The following GLG1 variants were observed in gnomAD, a reference collection of about 807,000 sequenced individuals.
GLG1 encodes the protein golgi glycoprotein 1.
GLG1 carries 38 observed loss-of-function variants against 160.5 expected under a neutral mutation model. The ratio of observed to expected loss-of-function variants is 0.24; its 90% confidence interval spans 0.18 to 0.31. The LOEUF (loss-of-function observed/expected upper bound fraction) is 0.31. Among genes scored for constraint, GLG1 ranks in the 10% least tolerant of loss-of-function variants. The probability of loss-of-function intolerance (pLI) is 1.00; values close to 1 mark genes in which losing one functional copy is unlikely to be tolerated. For synonymous variants in GLG1, 644 were observed against 543.4 expected (o/e 1.19, Z -2.57); for missense variants, 1,373 against 1,505.2 (o/e 0.91, Z 1.45).
In GLG1 at chr16:74,449,747, T is replaced by C. The variant is rs1567447050; in HGVS notation, c.*3420A>G. 6.6e-6 allele frequency: 1 copy of C among 152,462 alleles called. No homozygotes were observed. Among genetic ancestry groups the C allele is most frequent in the Non-Finnish European group, 1.5e-5 (1 of 68,250 alleles). The allele number at this position is 152,462 out of a possible 1,614,324, so 9.4% of individuals were successfully genotyped here. A position where few individuals can be genotyped will look rare whatever the true frequency, so the allele number is the denominator to read the frequency against. ...ATTCTCCTAGCTTTGAAGGATGCAC[T>C]AACACAGAACTGCAGCTGGGGGTGG... On this transcript the variant is annotated 3_prime_UTR_variant, in exon 26 of 26. Coordinates refer to ENST00000422840, the MANE Select transcript of GLG1 (RefSeq NM_001145667.2).
At chr16:74,582,671 T>C (rs1403870321) in intron 1 of GLG1, among the ~76,000 whole-genome samples, 1 of 151,044 alleles carries the variant, frequency 6.6e-6, no homozygotes, top group African/African-American at 2.4e-5. Context: ...ATACAAAAAT[T>C]AGCCGGGCGT....
intron 1 of GLG1, among the ~76,000 whole-genome samples, chr16:74,549,250 G>C (rs971085614): frequency 6.6e-6 from 1 of 151,890 alleles, no homozygotes; most frequent in East Asian, 1.9e-4. Flanking sequence ...GTAATGTACT[G>C]TATTATAACC....
At chr16:74,496,291 A>G in intron 5 of GLG1, 150 bp downstream of exon 5, 1 of 586,806 alleles carries the variant, frequency 1.7e-6, no homozygotes, top group Non-Finnish European at 3.0e-6. Context: ...GCTGAGCTGG[A>G]GCACTGCTTC....
At chr16:74,506,774 T>C (rs1227587319) in intron 3 of GLG1, among the ~76,000 whole-genome samples, 1 of 152,116 alleles carries the variant, frequency 6.6e-6, no homozygotes, top group Non-Finnish European at 1.5e-5. Flanking sequence ...GAAGTTTGCA[T>C]GTTTCTTCAT....
At position 74,453,097 on chromosome 16, in the gene GLG1, G is replaced by A. The variant is rs867497762; in HGVS notation, c.*70C>T. On this transcript the variant is annotated 3_prime_UTR_variant, in exon 26 of 26. Transcript: ENST00000422840. ...ACTTCTGAGAAGAGCGAGGTGAGTG[G>A]GGATGCTATACAAGAGGGCTGTACA... The A allele has an allele frequency of 9.0e-6, 14 of 1,563,704 alleles. No homozygotes were observed. In the Middle Eastern group the frequency reaches 1.1e-3, roughly 128 times the overall value.
chr16:74,524,844 T>C (rs1326210441), intron 2 of GLG1, among the ~76,000 whole-genome samples: 1 of 152,170 alleles, frequency 6.6e-6, no homozygotes, highest in Non-Finnish European at 1.5e-5. Flanking sequence ...AGAAACTCTG[T>C]ATCTATTAGC....
intron 7 of GLG1, among the ~76,000 whole-genome samples, chr16:74,492,112 C>A (rs1235367057): frequency 6.6e-6 from 1 of 151,328 alleles, no homozygotes. Flanking sequence ...CTAGGCCAGG[C>A]GCAGTGGCTC....
intron 1 of GLG1, among the ~76,000 whole-genome samples, chr16:74,539,686 C>T (rs1345594275): frequency 1.1e-4 from 17 of 151,068 alleles, no homozygotes; most frequent in Non-Finnish European, 1.2e-4. Context: ...TACTCAAAAC[C>T]ACTGCTTTGG....
chr16:74,587,551 T>C (rs1364013666), intron 1 of GLG1, among the ~76,000 whole-genome samples: 3 of 152,136 alleles, frequency 2.0e-5, no homozygotes, highest in Non-Finnish European at 4.4e-5. Flanking sequence ...ACAGACATGA[T>C]GGAATTAGCA....
At chr16:74,580,376 G>A (rs1318642784) in intron 1 of GLG1, among the ~76,000 whole-genome samples, 3 of 152,036 alleles carry the variant, frequency 2.0e-5, no homozygotes, top group African/African-American at 4.8e-5. Context: ...GCATCTGCCT[G>A]TCGTCCCTGC....
rs201693911 is a variant in GLG1, at chr16:74,529,809, G to GTTTTTTTTTT, written c.471+2311_471+2312insAAAAAAAAAA. 1.1e-4 allele frequency among the ~76,000 whole-genome samples: 11 copies of GTTTTTTTTTT among 104,096 alleles called. 1 individual carries two copies. Among genetic ancestry groups the GTTTTTTTTTT allele is most frequent in the African/African-American group, 1.5e-4 (4 of 27,090 alleles). The allele number at this position is 104,096 out of a possible 152,430, so 68.3% of individuals were successfully genotyped here. A position where few individuals can be genotyped will look rare whatever the true frequency, so the allele number is the denominator to read the frequency against. On this transcript the variant is annotated intron_variant, in intron 2 of 25. Coordinates refer to ENST00000422840, the MANE Select transcript of GLG1 (RefSeq NM_001145667.2). Reference sequence around the variant, plus strand: ...CTTCCTATTCCTTGGCTCTTTGAGAGTTCTTTTTTTTTTTTTTTTTTTTTT... The same window carrying GTTTTTTTTTT: ...CTTCCTATTCCTTGGCTCTTTGAGAGTTTTTTTTTTTTCTTTTTTTTTTTTTTTTTTTTTT...
intron 1 of GLG1, among the ~76,000 whole-genome samples, chr16:74,588,110 TG>T (rs1958093266): frequency 6.7e-6 from 1 of 149,858 alleles, no homozygotes; most frequent in Non-Finnish European, 1.5e-5. Flanking sequence ...GGAGCGTTGG[TG>T]GGGGGATTAA....
chr16:74,572,549 A>T (rs924961632), intron 1 of GLG1, among the ~76,000 whole-genome samples: 1 of 150,380 alleles, frequency 6.6e-6, no homozygotes, highest in South Asian at 2.1e-4. Context: ...AACACAAAAC[A>T]CCCCAAAGGA....
chr16:74,529,258 C>T (rs373879789), intron 2 of GLG1, among the ~76,000 whole-genome samples: 34 of 152,166 alleles, frequency 2.2e-4, no homozygotes, highest in Middle Eastern at 3.4e-3. Flanking sequence ...CGTGAACCAC[C>T]GCACCTGGCC....
chr16:74,453,546 G>A lies in GLG1; in HGVS notation c.3373-212C>T, dbSNP rs111620633. On this transcript the variant is annotated intron_variant, in intron 25 of 25. Transcript: ENST00000422840. Reference sequence around the variant, plus strand: ...TCTACTGCACAAAATTAGAAATACAGAAAGAGACAAAGTGGTGCAGTCACC... The same window carrying A: ...TCTACTGCACAAAATTAGAAATACAAAAAGAGACAAAGTGGTGCAGTCACC... 5.1e-3 allele frequency among the ~76,000 whole-genome samples: 780 copies of A among 152,274 alleles called. 4 individuals carry two copies. Among genetic ancestry groups the A allele is most frequent in the Non-Finnish European group, 8.1e-3 (551 of 68,016 alleles).
chr16:74,598,736 T>C (rs1036774788), intron 1 of GLG1, among the ~76,000 whole-genome samples: 1 of 151,204 alleles, frequency 6.6e-6, no homozygotes, highest in African/African-American at 2.4e-5. Flanking sequence ...CTACAAAAAT[T>C]AGCCGGGTGT....
intron 23 of GLG1, among the ~76,000 whole-genome samples, chr16:74,458,588 G>A (rs1007022700): frequency 1.3e-5 from 2 of 152,070 alleles, no homozygotes; most frequent in Non-Finnish European, 2.9e-5. Flanking sequence ...TGAGGTGGGA[G>A]GACTGCTTGA....
intron 1 of GLG1, among the ~76,000 whole-genome samples, chr16:74,605,031 T>C (rs1023619441): frequency 1.3e-5 from 2 of 152,016 alleles, no homozygotes; most frequent in African/African-American, 2.4e-5. Context: ...GGCGACAGAG[T>C]GAGACTCCAT....
At chr16:74,519,788 A>G (rs2017101303) in intron 2 of GLG1, among the ~76,000 whole-genome samples, 1 of 152,158 alleles carries the variant, frequency 6.6e-6, no homozygotes, top group African/African-American at 2.4e-5. Flanking sequence ...TTTAAACTAC[A>G]TGCTTAAACT....
Sources: allele counts gnomAD v4.1 joint callset (sites outside exome capture counted in the v4.1 genomes callset), GRCh38; gene constraint gnomAD v4.1.1; transcripts MANE v1.5; gene names NCBI Gene and HGNC (gene_info 2026-07-23, HGNC 2026-07-21).